The following CLDN14 variants were observed in gnomAD, a reference collection of about 807,000 sequenced individuals.
CLDN14 encodes the protein claudin 14.
CLDN14 carries 2 observed loss-of-function variants against 2.1 expected under a neutral mutation model. That is an observed-to-expected ratio of 0.96 (90% CI 0.39 to 3.01). CLDN14 has a LOEUF of 3.01. CLDN14 is among the 30% of genes most tolerant of loss of function. CLDN14 has a pLI of 0.09. For synonymous variants in CLDN14, 136 were observed against 154.4 expected (o/e 0.88, Z 0.88); for missense variants, 298 against 328.0 (o/e 0.91, Z 0.71).
Position 36,515,789 on chromosome 21 carries a change from C to CTTTTTTTT in CLDN14, c.-219-5297_-219-5290dup, listed in dbSNP as rs1555850517. Among the ~76,000 whole-genome samples, 453 of 115,288 alleles carry CTTTTTTTT rather than the reference C, an allele frequency of 3.9e-3. 26 individuals are homozygous for CTTTTTTTT. The highest frequency in any genetic ancestry group is 0.015 in the African/African-American group (420 of 28,184). The allele number at this position is 115,288 out of a possible 152,430, so 75.6% of individuals were successfully genotyped here. ...AAGCTGTGTTTCCCTTTTATCTTCT[C>CTTTTTTTT]TTTTTTTTTTTTTTTGAGACAGAGT... On this transcript the variant is annotated intron_variant, in intron 1 of 2. Transcript: ENST00000342108.
chr21:36,565,089 G>A (rs149240328), intron 1 of CLDN14, among the ~76,000 whole-genome samples: 80 of 152,272 alleles, frequency 5.3e-4, no homozygotes, highest in African/African-American at 1.6e-3. Flanking sequence ...TTGTTACAGC[G>A]GCCACGGGAA....
intron 2 of CLDN14, among the ~76,000 whole-genome samples, chr21:36,507,778 G>A (rs1475201957): frequency 6.6e-6 from 1 of 151,998 alleles, no homozygotes; most frequent in African/African-American, 2.4e-5. Context: ...AAAGAAAAAG[G>A]TTGCCTGGCC....
chr21:36,527,703 A>C (rs539385229), intron 1 of CLDN14, among the ~76,000 whole-genome samples: 33 of 152,368 alleles, frequency 2.2e-4, no homozygotes, highest in Admixed American at 2.0e-3. Flanking sequence ...AAATAGGAGA[A>C]ACAACAGGTC....
At chr21:36,485,873 G>A (rs747816571) in intron 2 of CLDN14, 1 of 494,710 alleles carries the variant, frequency 2.0e-6, no homozygotes, top group Non-Finnish European at 3.4e-6. Context: ...TTTTTATGTT[G>A]CCAAGCTTTA....
At chr21:36,481,629 G>A (rs1053638608), upstream of CLDN14, among the ~76,000 whole-genome samples, 11 of 152,150 alleles carry the variant, frequency 7.2e-5, no homozygotes, top group Non-Finnish European at 1.5e-4. Context: ...TGGACGTAAC[G>A]TTCTGTTTTG....
At chr21:36,536,978 G>T (rs2087428836) in intron 1 of CLDN14, among the ~76,000 whole-genome samples, 1 of 152,186 alleles carries the variant, frequency 6.6e-6, no homozygotes, top group Admixed American at 6.5e-5. Flanking sequence ...ATCACCTGAG[G>T]CTGGGAGTTC....
At chr21:36,475,737 CT>C (rs557800353) in intron 1 of CLDN14, among the ~76,000 whole-genome samples, 8 of 152,120 alleles carry the variant, frequency 5.3e-5, no homozygotes, top group African/African-American at 1.4e-4. Flanking sequence ...ATTGATTTAA[CT>C]TTTTTTATTT....
intron 1 of CLDN14, among the ~76,000 whole-genome samples, chr21:36,555,012 C>G (rs538098459): frequency 3.3e-5 from 5 of 152,360 alleles, no homozygotes; most frequent in Non-Finnish European, 7.3e-5. Flanking sequence ...GAGCAACAGC[C>G]AGCCCCAGCC....
At chr21:36,508,977 G>A (rs1451485046) in intron 2 of CLDN14, among the ~76,000 whole-genome samples, 1 of 152,202 alleles carries the variant, frequency 6.6e-6, no homozygotes, top group Non-Finnish European at 1.5e-5. Context: ...TAAAGAAGCC[G>A]CTGAGGCTGC....
At chr21:36,519,505 G>A (rs1423418048) in intron 1 of CLDN14, among the ~76,000 whole-genome samples, 1 of 152,146 alleles carries the variant, frequency 6.6e-6, no homozygotes, top group Non-Finnish European at 1.5e-5. Flanking sequence ...GAGGTCAGGA[G>A]TTTGAGAACA....
At chr21:36,497,820 G>A (rs746067065) in intron 2 of CLDN14, among the ~76,000 whole-genome samples, 9 of 152,086 alleles carry the variant, frequency 5.9e-5, no homozygotes, top group Non-Finnish European at 8.8e-5. Context: ...GTCCTTGGCC[G>A]GTGGCTTCAG....
exon 2 of CLDN14, chr21:36,510,385 G>A (rs184746529): frequency 3.3e-5 from 5 of 152,392 alleles, no homozygotes; most frequent in East Asian, 3.9e-4. Context: ...GAAAACAAGA[G>A]GCCATATGGT....
intron 2 of CLDN14, among the ~76,000 whole-genome samples, chr21:36,495,914 G>A (rs2087012294): frequency 6.6e-6 from 1 of 152,188 alleles, no homozygotes; most frequent in Non-Finnish European, 1.5e-5. Context: ...GGAGATTGCA[G>A]CTGTAGGGCA....
Position 36,468,762 on chromosome 21 carries a change from TCTTTC to T in CLDN14, c.-81-6991_-81-6987del, listed in dbSNP as rs1296037581. Among the ~76,000 whole-genome samples the T allele has an allele frequency of 2.8e-3, 416 of 150,874 alleles. 3 individuals are homozygous for T. The highest frequency in any genetic ancestry group is 9.6e-3 in the African/African-American group (394 of 40,954). ...ACTTTTTTCTTTTTCTTTCTTTCTTTCTTTCTTTTTTTTTTGAGACAGAATCTCGC... is the reference window on the plus strand; with the variant it reads ...ACTTTTTTCTTTTTCTTTCTTTCTTTTTTTTTTTTTGAGACAGAATCTCGC... On this transcript the variant is annotated intron_variant, in intron 1 of 1. Coordinates refer to ENST00000399135, the MANE Select transcript of CLDN14 (RefSeq NM_001146079.2).
intron 2 of CLDN14, chr21:36,486,493 G>A: frequency 6.4e-7 from 1 of 1,560,702 alleles, no homozygotes; most frequent in Non-Finnish European, 8.8e-7. Context: ...CAAATTCAAA[G>A]TCACTGGCAC....
intron 1 of CLDN14, among the ~76,000 whole-genome samples, chr21:36,539,665 G>A (rs2087467309): frequency 6.7e-6 from 1 of 149,396 alleles, no homozygotes; most frequent in Non-Finnish European, 1.5e-5. Flanking sequence ...GTGAGTATGT[G>A]TGTAGTGAAT....
chr21:36,461,673 A>T lies in CLDN14; in HGVS notation c.23T>A (p.Leu8His). The T allele has an allele frequency of 6.4e-7, 1 of 1,556,104 alleles. No individual in the cohort carries two copies. The highest frequency in any genetic ancestry group is 8.7e-7 in the Non-Finnish European group (1 of 1,150,530). Residue 8 changes from leucine (L) to histidine (H), a missense_variant, in exon 2 of 2, where the codon CTT becomes CAT. Transcript: ENST00000399135. ...CAGGAAGCTGAGCAGGAAGCCCAGA[A>T]GCTGCACGGCCGTGCTGGCCATGGT... MASTAVQ[L>H]LGFLLSFLGM...
At chr21:36,483,164 G>A (rs1217570233), upstream of CLDN14, among the ~76,000 whole-genome samples, 1 of 152,188 alleles carries the variant, frequency 6.6e-6, no homozygotes, top group Non-Finnish European at 1.5e-5. Context: ...TCCAGAATGA[G>A]TTGGCAGCTG....
At chr21:36,477,158 C>T (rs2086789228) in intron 1 of CLDN14, among the ~76,000 whole-genome samples, 1 of 152,220 alleles carries the variant, frequency 6.6e-6, no homozygotes, top group African/African-American at 2.4e-5. Flanking sequence ...AACATCAAGC[C>T]AAGTGCAAGC....
Sources: allele counts gnomAD v4.1 joint callset (sites outside exome capture counted in the v4.1 genomes callset), GRCh38; gene constraint gnomAD v4.1.1; transcripts MANE v1.5; gene names NCBI Gene and HGNC (gene_info 2026-07-23, HGNC 2026-07-21).